The following SLC25A21 variants were observed in gnomAD, a reference collection of about 807,000 sequenced individuals.
SLC25A21 encodes the protein mitochondrial 2-oxodicarboxylate carrier.
A neutral mutation model predicts 43.8 loss-of-function variants in SLC25A21; 47 were observed. That is an observed-to-expected ratio of 1.07 (90% CI 0.85 to 1.37). The LOEUF (loss-of-function observed/expected upper bound fraction) is 1.37, where lower values mean the gene tolerates loss of function less well. Ranked by LOEUF, SLC25A21 falls within the 40% of genes most tolerant of loss-of-function variation. The pLI, the probability that SLC25A21 is intolerant of heterozygous loss-of-function variation, is 0.00. For synonymous variants in SLC25A21, 131 were observed against 121.3 expected, an observed-to-expected ratio of 1.08 and a Z score of -0.52; for missense variants, 352 against 350.2, an observed-to-expected ratio of 1.00 and a Z score of -0.04.
chr14:36,687,350 A>C (rs915884137), intron 7 of SLC25A21, among the ~76,000 whole-genome samples: 3 of 151,996 alleles, frequency 2.0e-5, no homozygotes, highest in Admixed American at 2.0e-4. Flanking sequence ...ATTTTACAAA[A>C]TACAGATGCC....
chr14:36,907,891 G>A (rs112954325), intron 1 of SLC25A21, among the ~76,000 whole-genome samples: 124 of 152,288 alleles, frequency 8.1e-4, no homozygotes, highest in African/African-American at 2.9e-3. Flanking sequence ...CAGTGAATAA[G>A]TTCCGATTTC....
intron 1 of SLC25A21, among the ~76,000 whole-genome samples, chr14:36,880,221 C>T (rs1890673257): frequency 1.3e-5 from 2 of 152,100 alleles, no homozygotes; most frequent in South Asian, 4.1e-4. Flanking sequence ...TCTCTTTCTC[C>T]CATCTTACTA....
intron 1 of SLC25A21, among the ~76,000 whole-genome samples, chr14:37,136,389 A>T (rs1594811184): frequency 6.6e-6 from 1 of 152,220 alleles, no homozygotes; most frequent in African/African-American, 2.4e-5. Flanking sequence ...ATATTTACTT[A>T]TCCAGAATTC....
chr14:37,141,365 C>T (rs1444469963), intron 1 of SLC25A21, among the ~76,000 whole-genome samples: 1 of 151,966 alleles, frequency 6.6e-6, no homozygotes, highest in Non-Finnish European at 1.5e-5. Flanking sequence ...CAGTGTTTTC[C>T]TCAACACATA....
At chr14:36,794,522 C>T (rs712331) in intron 3 of SLC25A21, among the ~76,000 whole-genome samples, 30,831 of 152,004 alleles carry the variant, frequency 0.2, 3,284 homozygotes, top group Middle Eastern at 0.27. Context: ...AAGCCCAGCA[C>T]GTTGGGAGGC....
rs975745852 is a variant in SLC25A21 at position 36,981,437 on chromosome 14, C to T, written c.71-106433G>A. On this transcript the variant is annotated intron_variant, in intron 1 of 9. Transcript: ENST00000331299. ...ACAATAGCAAAGACTTGGAACCAAC[C>T]CAAATGTCCAACAATGATAGACTGG... Among the ~76,000 whole-genome samples, 4 of 152,132 alleles carry T rather than the reference C, an allele frequency of 2.6e-5. No homozygotes were observed. In the East Asian group the frequency reaches 5.8e-4, roughly 22 times the overall value.
At chr14:37,030,215 A>G (rs1405346321) in intron 1 of SLC25A21, among the ~76,000 whole-genome samples, 1 of 152,246 alleles carries the variant, frequency 6.6e-6, no homozygotes, top group Non-Finnish European at 1.5e-5. Flanking sequence ...GAAGTAGATC[A>G]TCATAAAGGT....
chr14:36,895,947 G>T (rs1257059764), intron 1 of SLC25A21, among the ~76,000 whole-genome samples: 1 of 152,296 alleles, frequency 6.6e-6, no homozygotes, highest in East Asian at 1.9e-4. Context: ...GCTGAGGAGA[G>T]CTTTACTTCC....
intron 1 of SLC25A21, among the ~76,000 whole-genome samples, chr14:37,025,193 G>A (rs902090444): frequency 1.3e-5 from 2 of 152,140 alleles, no homozygotes; most frequent in African/African-American, 4.8e-5. Flanking sequence ...TTGAGTCTGA[G>A]CTTCGCCAGT....
At chr14:37,134,648 T>TAA (rs11347791) in intron 1 of SLC25A21, among the ~76,000 whole-genome samples, 3 of 122,736 alleles carry the variant, frequency 2.4e-5, no homozygotes, top group Non-Finnish European at 3.4e-5. Context: ...ACTCCATCTC[T>TAA]AAAAAAAAAA....
chr14:37,052,530 C>G (rs1212714134), intron 1 of SLC25A21, among the ~76,000 whole-genome samples: 1 of 152,134 alleles, frequency 6.6e-6, no homozygotes, highest in Non-Finnish European at 1.5e-5. Context: ...TCTTTCTGTG[C>G]TGTTTTAAAT....
At chr14:36,685,757 G>T (rs1175805395) in intron 7 of SLC25A21, among the ~76,000 whole-genome samples, 1 of 152,106 alleles carries the variant, frequency 6.6e-6, no homozygotes, top group Non-Finnish European at 1.5e-5. Context: ...ATTTAATTAG[G>T]TCTTATGTGG....
At position 37,064,715 on chromosome 14, in the gene SLC25A21, A is replaced by G. The variant is rs192740816; in HGVS notation, c.70+107566T>C. On this transcript the variant is annotated intron_variant, in intron 1 of 9. Coordinates refer to ENST00000331299, the MANE Select transcript of SLC25A21 (RefSeq NM_030631.4). ...TGAATTAACTCATTTGTGTCTCTCA[A>G]TTGGTTTACTGTACTGCTCATTCTG... Among the ~76,000 whole-genome samples the G allele has an allele frequency of 3.0e-4, 46 of 152,266 alleles. No homozygotes were observed. In the East Asian group the frequency reaches 4.7e-3, roughly 15 times the overall value.
At chr14:36,996,164 C>G (rs1960367512) in intron 1 of SLC25A21, among the ~76,000 whole-genome samples, 1 of 152,104 alleles carries the variant, frequency 6.6e-6, no homozygotes, top group Non-Finnish European at 1.5e-5. Flanking sequence ...AACCCTTGTG[C>G]CTTCTTTTGG....
At chr14:37,151,160 C>T (rs920013822) in intron 1 of SLC25A21, among the ~76,000 whole-genome samples, 1 of 152,150 alleles carries the variant, frequency 6.6e-6, no homozygotes, top group African/African-American at 2.4e-5. Flanking sequence ...GTTCTCCCTA[C>T]AGTAGTCTAT....
intron 1 of SLC25A21, among the ~76,000 whole-genome samples, chr14:37,011,423 G>A (rs993310557): frequency 1.3e-5 from 2 of 152,084 alleles, no homozygotes; most frequent in Non-Finnish European, 2.9e-5. Flanking sequence ...AAAGATTTAT[G>A]TTTTTTGTGA....
chr14:36,735,765 T>C (rs1200442514), intron 3 of SLC25A21, among the ~76,000 whole-genome samples: 2 of 151,264 alleles, frequency 1.3e-5, no homozygotes, highest in Non-Finnish European at 1.5e-5. Flanking sequence ...CTGGCTTACA[T>C]AGAAACTTGA....
intron 6 of SLC25A21, among the ~76,000 whole-genome samples, chr14:36,713,375 G>A (rs1353634837): frequency 3.3e-5 from 5 of 152,088 alleles, no homozygotes; most frequent in Non-Finnish European, 5.9e-5. Context: ...CCTAGATCTC[G>A]GTGAGAGCTG....
At chr14:37,007,882 T>C (rs1960642362) in intron 1 of SLC25A21, among the ~76,000 whole-genome samples, 1 of 152,200 alleles carries the variant, frequency 6.6e-6, no homozygotes, top group Non-Finnish European at 1.5e-5. Context: ...TCATACAATT[T>C]CCACTTAAAC....
Sources: gnomAD v4.1 joint callset for allele counts (sites outside exome capture counted in the v4.1 genomes callset) on GRCh38, gnomAD v4.1.1 for gene constraint, MANE v1.5 for transcripts, NCBI Gene and HGNC (gene_info 2026-07-23, HGNC 2026-07-21) for gene names.